Variants in ZBTB37 observed in about 807,000 individuals in gnomAD.
ZBTB37 encodes the protein zinc finger and BTB domain containing 37, also known as zinc finger and BTB domain-containing protein 37.
Under a neutral mutation model 37.7 loss-of-function variants are expected in ZBTB37, and 15 were observed. The ratio of observed to expected loss-of-function variants is 0.40; its 90% CI spans 0.27 to 0.61. The LOEUF (loss-of-function observed/expected upper bound fraction) is 0.61. ZBTB37 is among the 20% of genes least tolerant of loss of function. The pLI is 0.44. For synonymous variants in ZBTB37, 231 were observed against 220.6 expected, an observed-to-expected ratio of 1.05 and a Z score of -0.42; for missense variants, 514 against 641.9, an observed-to-expected ratio of 0.80 and a Z score of 2.15.
downstream of ZBTB37, chr1:173,889,905 C>G (rs1247884458): frequency 6.6e-6 from 1 of 152,192 alleles, no homozygotes; most frequent in Non-Finnish European, 1.5e-5. Context: ...CCCTCTACAT[C>G]AGTGAAACAG....
At chr1:173,882,940 T>C (rs542960397) in intron 4 of ZBTB37, among the ~76,000 whole-genome samples, 5 of 152,224 alleles carry the variant, frequency 3.3e-5, no homozygotes, top group Non-Finnish European at 7.3e-5. Flanking sequence ...TTCAGTACTT[T>C]AGTGTATTAA....
chr1:173,894,075 T>G (rs951661232), exon 4 of ZBTB37: 8 of 152,232 alleles, frequency 5.3e-5, no homozygotes, highest in Non-Finnish European at 5.9e-5. Context: ...TAGAAGGTTC[T>G]TCAAAAGCTG....
intron 4 of ZBTB37, among the ~76,000 whole-genome samples, chr1:173,878,242 C>G (rs542544647): frequency 6.6e-6 from 1 of 152,286 alleles, no homozygotes; most frequent in African/African-American, 2.4e-5. Context: ...TACAATTTTT[C>G]CTAATTCTCT....
At chr1:173,886,667 G>A (rs200589937), downstream of ZBTB37, 3 of 153,824 alleles carry the variant, frequency 2.0e-5, no homozygotes, top group African/African-American at 7.2e-5. Context: ...TTCTTATTTT[G>A]AAAGGTTAGG....
intron 4 of ZBTB37, among the ~76,000 whole-genome samples, chr1:173,875,273 T>C (rs1461826190): frequency 2.0e-5 from 3 of 151,072 alleles, no homozygotes; most frequent in East Asian, 1.9e-4. Flanking sequence ...CACACAGTTA[T>C]GAAGTTACTA....
intron 4 of ZBTB37, among the ~76,000 whole-genome samples, chr1:173,874,122 G>T (rs1391663288): frequency 6.6e-6 from 1 of 151,778 alleles, no homozygotes; most frequent in African/African-American, 2.4e-5. Context: ...AGGCATGGTG[G>T]CACGTGCCCG....
At chr1:173,887,618 G>T (rs1262849076), downstream of ZBTB37, 2 of 152,164 alleles carry the variant, frequency 1.3e-5, no homozygotes, top group African/African-American at 4.8e-5. Flanking sequence ...GAGAGAAGGA[G>T]GAATATTAAG....
At chr1:173,885,196 C>G (rs1021149149) in intron 4 of ZBTB37, among the ~76,000 whole-genome samples, 2 of 152,204 alleles carry the variant, frequency 1.3e-5, no homozygotes, top group Admixed American at 1.3e-4. Context: ...GATCACACCA[C>G]TGCACTCCAG....
At chr1:173,899,817 C>T (rs6691053) in exon 4 of ZBTB37, 41,382 of 152,024 alleles carry the variant, frequency 0.27, 6,268 homozygotes, top group African/African-American at 0.39. Context: ...TCAAAGTGTA[C>T]AGTGGGTCAA....
intron 4 of ZBTB37, among the ~76,000 whole-genome samples, chr1:173,877,090 C>T (rs541769842): frequency 1.3e-5 from 2 of 152,028 alleles, no homozygotes; most frequent in South Asian, 2.1e-4. Flanking sequence ...AACATAGAAA[C>T]GATAGTGTAA....
intron 4 of ZBTB37, among the ~76,000 whole-genome samples, chr1:173,879,150 C>G (rs1386772406): frequency 6.6e-6 from 1 of 151,224 alleles, no homozygotes; most frequent in Non-Finnish European, 1.5e-5. Context: ...ACCCCACTTT[C>G]TACATGGAAA....
intron 4 of ZBTB37, among the ~76,000 whole-genome samples, chr1:173,874,269 A>G (rs1414751833): frequency 2.0e-5 from 3 of 151,930 alleles, no homozygotes; most frequent in Admixed American, 6.6e-5. Flanking sequence ...AAAAAAAAAA[A>G]AAAAGAAATA....
chr1:173,877,204 G>A (rs1416278741), intron 4 of ZBTB37, among the ~76,000 whole-genome samples: 2 of 151,944 alleles, frequency 1.3e-5, no homozygotes, highest in African/African-American at 2.4e-5. Flanking sequence ...TGAGTCAGAC[G>A]TTACAACTTA....
intron 4 of ZBTB37, among the ~76,000 whole-genome samples, chr1:173,877,511 G>GCCC (rs1189720956): frequency 6.6e-6 from 1 of 151,536 alleles, no homozygotes; most frequent in African/African-American, 2.4e-5. Flanking sequence ...CTCCTGAGTA[G>GCCC]CTGGGACCAC....
chr1:173,870,417 T>C, exon 3 of ZBTB37: 1 of 1,614,212 alleles, frequency 6.2e-7, no homozygotes, highest in Non-Finnish European at 8.5e-7. Flanking sequence ...TGTCCTTGAA[T>C]GAGATGAGTA....
rs141816122 is a variant in ZBTB37, at chr1:173,878,295, G to C, written c.1023+4729G>C. 1.4e-4 allele frequency among the ~76,000 whole-genome samples: 22 copies of C among 152,110 alleles called. 1 individual carries two copies. The highest frequency in any genetic ancestry group is 5.1e-4 in the African/African-American group (21 of 41,494). On this transcript the variant is annotated intron_variant, in intron 4 of 4. Coordinates refer to ENST00000427304, the Ensembl canonical transcript of ZBTB37. Reference sequence around the variant, plus strand: ...TTCCTTTTTTATTTGCATTAGTTTTGTGTCTCCTGTTAAACTGAAATCTCC... The same window carrying C: ...TTCCTTTTTTATTTGCATTAGTTTTCTGTCTCCTGTTAAACTGAAATCTCC...
chr1:173,880,552 T>A (rs1330479374), intron 4 of ZBTB37, among the ~76,000 whole-genome samples: 1 of 152,200 alleles, frequency 6.6e-6, no homozygotes, highest in African/African-American at 2.4e-5. Context: ...CAAGCACTGA[T>A]CAAATTCCTA....
intron 4 of ZBTB37, among the ~76,000 whole-genome samples, chr1:173,875,318 A>ATG (rs1312336536): frequency 4.6e-5 from 4 of 87,358 alleles, no homozygotes; most frequent in Admixed American, 1.0e-4. Flanking sequence ...ATATGTGTGC[A>ATG]TATATATATA....
chr1:173,873,293 C>T (rs903322797), intron 3 of ZBTB37, among the ~76,000 whole-genome samples, 174 bp from the exon 4 acceptor site: 2 of 152,286 alleles, frequency 1.3e-5, no homozygotes, highest in East Asian at 1.9e-4. Flanking sequence ...CTAGGGCTAA[C>T]CTATTATTTC....
Sources: allele counts gnomAD v4.1 joint callset (sites outside exome capture counted in the v4.1 genomes callset), GRCh38; gene constraint gnomAD v4.1.1; transcripts MANE v1.5; gene names NCBI Gene and HGNC (gene_info 2026-07-23, HGNC 2026-07-21).